Variants in SYT1 observed in about 807,000 individuals in gnomAD.
SYT1 encodes the protein synaptotagmin-1.
SYT1 carries 8 observed loss-of-function variants against 44.8 expected under a neutral mutation model. That is an observed-to-expected ratio of 0.18 (90% CI 0.10 to 0.32). The LOEUF is 0.32. Ranked by LOEUF, SYT1 falls within the 10% of genes least tolerant of loss-of-function variation. The pLI is 1.00. For missense variants in SYT1, 286 were observed against 509.3 expected (o/e 0.56, Z 4.22); for synonymous variants, 154 against 188.8 (o/e 0.82, Z 1.51).
chr12:78,958,979 A>G (rs907684463), intron 1 of SYT1, among the ~76,000 whole-genome samples: 6 of 152,160 alleles, frequency 3.9e-5, no homozygotes, highest in African/African-American at 1.4e-4. Flanking sequence ...TATTCAGTCA[A>G]TCCATTTAGT....
intron 1 of SYT1, among the ~76,000 whole-genome samples, chr12:78,896,740 G>A (rs915180347): frequency 1.3e-5 from 2 of 151,516 alleles, no homozygotes; most frequent in African/African-American, 4.8e-5. Flanking sequence ...TACAAAATAT[G>A]ATATATCTTC....
chr12:78,992,031 A>G (rs1316359523), intron 2 of SYT1, among the ~76,000 whole-genome samples: 1 of 152,156 alleles, frequency 6.6e-6, no homozygotes, highest in Non-Finnish European at 1.5e-5. Context: ...TCCTTTTCAT[A>G]CCACTGCCCT....
At chr12:79,428,869 A>C (rs571089120) in intron 9 of SYT1, among the ~76,000 whole-genome samples, 220 of 152,360 alleles carry the variant, frequency 1.4e-3, no homozygotes, top group Non-Finnish European at 2.0e-3. Flanking sequence ...GACAAGAAGC[A>C]TAGTGCCAGC....
At chr12:78,932,722 C>T (rs1415250769) in intron 1 of SYT1, among the ~76,000 whole-genome samples, 1 of 152,036 alleles carries the variant, frequency 6.6e-6, no homozygotes. Context: ...GCAAACTCTT[C>T]GAGAACTCAT....
intron 7 of SYT1, 22 bp downstream of exon 7, chr12:79,296,258 T>C (rs1294251314): frequency 2.5e-6 from 4 of 1,604,080 alleles, no homozygotes; most frequent in Non-Finnish European, 3.4e-6. Flanking sequence ...CATTTATTTA[T>C]AACCTTTCCT....
intron 3 of SYT1, 127 bp from the exon 4 acceptor site, chr12:79,217,376 T>C (rs1382054955): frequency 4.6e-5 from 33 of 724,244 alleles, no homozygotes; most frequent in Non-Finnish European, 1.0e-5. Context: ...AGCAATATGC[T>C]AATGATGGAC....
chr12:79,296,294 C>A (rs1464941014), intron 7 of SYT1, 58 bp downstream of exon 7: 3 of 1,520,832 alleles, frequency 2.0e-6, no homozygotes, highest in Non-Finnish European at 8.9e-7. Context: ...AAAGACTGAT[C>A]TCATCCTGAC....
At chr12:79,345,507 T>C (rs990045392) in intron 8 of SYT1, among the ~76,000 whole-genome samples, 1 of 152,180 alleles carries the variant, frequency 6.6e-6, no homozygotes, top group Admixed American at 6.5e-5. Context: ...TATAAACCAA[T>C]GAGTTACAGA....
At chr12:79,161,951 C>A (rs148471120) in intron 3 of SYT1, among the ~76,000 whole-genome samples, 36 of 152,266 alleles carry the variant, frequency 2.4e-4, no homozygotes, top group African/African-American at 7.2e-4. Context: ...CTGACACTGG[C>A]ATGCTTCTTT....
chr12:79,383,453 T>C (rs917154264), intron 9 of SYT1, among the ~76,000 whole-genome samples: 1 of 152,198 alleles, frequency 6.6e-6, no homozygotes, highest in African/African-American at 2.4e-5. Flanking sequence ...TGCTGTTCAA[T>C]ATGGTACAAT....
At position 78,899,214 on chromosome 12, in the gene SYT1, A is replaced by T. The variant is rs1194942373; in HGVS notation, c.-217+34105A>T. On this transcript the variant is annotated intron_variant, in intron 1 of 10. Transcript: ENST00000261205. Reference sequence around the variant, plus strand: ...TCTTAATAATTGAGATTATTGCTGAAATCATTATGAATGTTTTTAGTGTAG... The same window carrying T: ...TCTTAATAATTGAGATTATTGCTGATATCATTATGAATGTTTTTAGTGTAG... Among the ~76,000 whole-genome samples, 7 of 152,180 alleles carry T rather than the reference A, an allele frequency of 4.6e-5. No homozygotes were observed. The East Asian group carries it at 7.7e-4, about 17-fold the overall frequency.
intron 3 of SYT1, among the ~76,000 whole-genome samples, chr12:79,052,349 A>G (rs1170210307): frequency 1.3e-5 from 2 of 152,178 alleles, no homozygotes; most frequent in East Asian, 3.8e-4. Context: ...TTATACAAAA[A>G]TTAATTCAAG....
At chr12:79,028,171 A>G (rs575570577) in intron 2 of SYT1, among the ~76,000 whole-genome samples, 2 of 151,642 alleles carry the variant, frequency 1.3e-5, no homozygotes, top group South Asian at 4.1e-4. Flanking sequence ...CAGAAAAATC[A>G]CATACTGTGT....
intron 3 of SYT1, among the ~76,000 whole-genome samples, chr12:79,186,238 A>C (rs946730002): frequency 1.3e-5 from 2 of 151,974 alleles, no homozygotes; most frequent in South Asian, 2.1e-4. Context: ...AATTCCTCTT[A>C]TATATTCTAC....
At chr12:79,378,951 C>T (rs572270317) in intron 9 of SYT1, among the ~76,000 whole-genome samples, 6 of 152,040 alleles carry the variant, frequency 3.9e-5, no homozygotes, top group Admixed American at 2.6e-4. Flanking sequence ...CTTCCAAAAT[C>T]GATAGAAAAA....
chr12:79,417,381 T>C (rs1236703283), intron 9 of SYT1, among the ~76,000 whole-genome samples: 1 of 151,994 alleles, frequency 6.6e-6, no homozygotes, highest in African/African-American at 2.4e-5. Context: ...CTCCTAAATC[T>C]CTCTCTTATC....
intron 9 of SYT1, among the ~76,000 whole-genome samples, chr12:79,395,257 C>T (rs1884820582): frequency 6.6e-6 from 1 of 152,084 alleles, no homozygotes; most frequent in Non-Finnish European, 1.5e-5. Flanking sequence ...TCACTTCTTT[C>T]ACCCAGGCTG....
chr12:79,317,831 G>GGGT (rs1021305181), intron 8 of SYT1, among the ~76,000 whole-genome samples: 1 of 152,150 alleles, frequency 6.6e-6, no homozygotes, highest in Admixed American at 6.5e-5. Flanking sequence ...TTTTCCTTAG[G>GGGT]GGTATTCATG....
chr12:79,080,449 C>G (rs1876954123), intron 3 of SYT1, among the ~76,000 whole-genome samples: 1 of 152,030 alleles, frequency 6.6e-6, no homozygotes, highest in Admixed American at 6.6e-5. Context: ...AGAGAAAGTT[C>G]TGCTATAAAA....
Sources: allele counts gnomAD v4.1 joint callset (sites outside exome capture counted in the v4.1 genomes callset), GRCh38; gene constraint gnomAD v4.1.1; transcripts MANE v1.5; gene names NCBI Gene and HGNC (gene_info 2026-07-23, HGNC 2026-07-21).